TGFB2: variants seen among roughly 807,000 people sequenced by gnomAD.
TGFB2 encodes the protein transforming growth factor beta-2 proprotein.
Under a neutral mutation model 42.7 loss-of-function variants are expected in TGFB2, and 13 were observed. The observed-to-expected ratio is 0.30, with a 90% CI of 0.20 to 0.48. TGFB2 has a LOEUF of 0.48. Ranked by LOEUF, TGFB2 falls within the 20% of genes least tolerant of loss-of-function variation. The probability of loss-of-function intolerance (pLI) is 0.99; values close to 1 mark genes in which losing one functional copy is unlikely to be tolerated. For synonymous variants in TGFB2, 193 were observed against 193.6 expected, an observed-to-expected ratio of 1.00 and a Z score of 0.03; for missense variants, 390 against 517.5, an observed-to-expected ratio of 0.75 and a Z score of 2.39.
At position 218,346,937 on chromosome 1, in the gene TGFB2, A is replaced by C; in HGVS notation, c.236A>C (p.Gln79Pro). 1 of 1,614,148 alleles carries C rather than the reference A, an allele frequency of 6.2e-7. No homozygotes were observed. The highest frequency in any genetic ancestry group is 8.5e-7 in the Non-Finnish European group (1 of 1,180,014). The part of the protein sequence containing the change: ...SIYNSTRDLL[Q>P]EKASRRAAAC... The stretch of plus-strand genomic sequence containing the variant: ...TACAACAGCACCAGGGACTTGCTCC[A>C]GGAGAAGGCGAGCCGGAGGGCGGCC... The change falls in exon 1 of 7, where the codon CAG becomes CCG. Residue 79 changes from glutamine to proline, a missense_variant. Gln to Pro is a moderately conservative substitution (Grantham distance 76). Transcript: ENST00000366930. This position sits in a 1 kb window ranked among gnomAD's most constrained non-coding sequence, Gnocchi z 4.9.
At chr1:218,441,047 C>T (rs1013764048) in intron 6 of TGFB2, among the ~76,000 whole-genome samples, 157 bp from the exon 7 acceptor site, 1 of 152,200 alleles carries the variant, frequency 6.6e-6, no homozygotes, top group Admixed American at 6.5e-5. Context: ...GGTCACATAT[C>T]AGTTTGACTG....
intron 1 of TGFB2, among the ~76,000 whole-genome samples, chr1:218,402,876 G>T (rs542234069): frequency 1.3e-5 from 2 of 152,354 alleles, no homozygotes; most frequent in African/African-American, 4.8e-5. Flanking sequence ...TGGCCAAGAC[G>T]GTGTGCAATG....
chr1:218,381,517 G>C (rs192801795), intron 1 of TGFB2, among the ~76,000 whole-genome samples: 28 of 152,254 alleles, frequency 1.8e-4, no homozygotes, highest in Admixed American at 1.6e-3. Context: ...GCCTCCCAAA[G>C]TGCTGGGAGT....
At chr1:218,418,631 T>A (rs552156507) in intron 2 of TGFB2, among the ~76,000 whole-genome samples, 2 of 152,248 alleles carry the variant, frequency 1.3e-5, no homozygotes, top group Non-Finnish European at 2.9e-5. Flanking sequence ...AATGGTATGG[T>A]TTGGCTGTGT....
intron 2 of TGFB2, among the ~76,000 whole-genome samples, chr1:218,425,900 G>A (rs926977335): frequency 5.9e-5 from 9 of 152,226 alleles, no homozygotes; most frequent in Admixed American, 5.2e-4. Flanking sequence ...AGATCTGAGA[G>A]ACTCGTGCTC....
intron 1 of TGFB2, among the ~76,000 whole-genome samples, chr1:218,391,337 C>G (rs1403324792): frequency 6.6e-6 from 1 of 152,126 alleles, no homozygotes; most frequent in East Asian, 1.9e-4. Context: ...AGGTCCAGAG[C>G]CCCTGCCCGT....
chr1:218,418,603 T>G (rs919456493), intron 2 of TGFB2, among the ~76,000 whole-genome samples: 2 of 152,096 alleles, frequency 1.3e-5, no homozygotes, highest in East Asian at 3.9e-4. Flanking sequence ...ACATGAGATT[T>G]GGGAGGGGCT....
intron 1 of TGFB2, among the ~76,000 whole-genome samples, chr1:218,381,645 T>C (rs552897061): frequency 4.6e-5 from 7 of 152,178 alleles, no homozygotes; most frequent in Non-Finnish European, 1.0e-4. Context: ...AAACATGACG[T>C]CTTCATTAGG....
At chr1:218,357,731 G>A (rs544030649) in intron 1 of TGFB2, among the ~76,000 whole-genome samples, 4 of 152,334 alleles carry the variant, frequency 2.6e-5, no homozygotes, top group Admixed American at 2.6e-4. Context: ...TCCACAGGCA[G>A]CTGTTTTTCT....
intron 1 of TGFB2, among the ~76,000 whole-genome samples, chr1:218,371,521 A>C (rs1001204274): frequency 3.9e-5 from 6 of 152,128 alleles, no homozygotes; most frequent in Non-Finnish European, 8.8e-5. Context: ...AATCAAGATG[A>C]GTTTATCTAT....
At chr1:218,359,443 C>T (rs145707755) in intron 1 of TGFB2, among the ~76,000 whole-genome samples, 4 of 152,178 alleles carry the variant, frequency 2.6e-5, no homozygotes, top group African/African-American at 4.8e-5. Context: ...TTTTCTTCTA[C>T]GTAGAATGAG....
intron 2 of TGFB2, among the ~76,000 whole-genome samples, chr1:218,407,856 A>T (rs1275436335): frequency 6.6e-6 from 1 of 152,188 alleles, no homozygotes; most frequent in East Asian, 1.9e-4. Flanking sequence ...GAATAGAAGA[A>T]TAATAAGACA....
At chr1:218,428,793 G>A (rs570292463) in intron 2 of TGFB2, among the ~76,000 whole-genome samples, 18 of 152,010 alleles carry the variant, frequency 1.2e-4, no homozygotes, top group African/African-American at 3.9e-4. Context: ...TTGTTCTTTT[G>A]GCTTAGGTTT....
At chr1:218,411,864 CAAA>C (rs34140547) in intron 2 of TGFB2, among the ~76,000 whole-genome samples, 181 of 88,744 alleles carry the variant, frequency 2.0e-3, no homozygotes, top group African/African-American at 5.9e-3. Flanking sequence ...AATTCAGTCT[CAAA>C]AAAAAAAAAA....
At chr1:218,429,363 G>T (rs578041566) in intron 2 of TGFB2, among the ~76,000 whole-genome samples, 2 of 152,286 alleles carry the variant, frequency 1.3e-5, no homozygotes, top group East Asian at 3.9e-4. Context: ...TTCTGTGTCA[G>T]CTTATTTCAC....
intron 6 of TGFB2, among the ~76,000 whole-genome samples, chr1:218,437,940 G>A (rs1042293256): frequency 3.3e-5 from 5 of 152,094 alleles, no homozygotes; most frequent in African/African-American, 1.2e-4. Flanking sequence ...AGGGTAATTA[G>A]GATATCCATT....
chr1:218,387,491 C>T (rs1034069539), intron 1 of TGFB2, among the ~76,000 whole-genome samples: 1 of 152,136 alleles, frequency 6.6e-6, no homozygotes, highest in African/African-American at 2.4e-5. Flanking sequence ...TGCTTTCTCA[C>T]CTTGAACCCA....
At chr1:218,362,199 C>A (rs1052972156) in intron 1 of TGFB2, among the ~76,000 whole-genome samples, 5 of 152,184 alleles carry the variant, frequency 3.3e-5, no homozygotes, top group African/African-American at 1.2e-4. Context: ...TCCACAAAGC[C>A]TTTGTCTTGT....
intron 1 of TGFB2, among the ~76,000 whole-genome samples, chr1:218,362,653 G>T (rs1258150656): frequency 6.6e-6 from 1 of 152,166 alleles, no homozygotes; most frequent in Non-Finnish European, 1.5e-5. Flanking sequence ...GATATTTTGT[G>T]GGGGAGGGGG....
Sources: allele counts gnomAD v4.1 joint callset (sites outside exome capture counted in the v4.1 genomes callset), GRCh38; gene constraint gnomAD v4.1.1; non-coding constraint Gnocchi (gnomAD v3.1); transcripts MANE v1.5; gene names NCBI Gene and HGNC (gene_info 2026-07-23, HGNC 2026-07-21).